The following MANBA variants were observed in gnomAD, a reference collection of about 807,000 sequenced individuals.
MANBA encodes mannosidase beta.
Under a neutral mutation model 111.1 loss-of-function variants are expected in MANBA, and 83 were observed. The observed-to-expected ratio is 0.75, with a 90% CI of 0.63 to 0.90. MANBA has a LOEUF of 0.90. Ranked by LOEUF, MANBA falls within the 40% of genes least tolerant of loss-of-function variation. The pLI is 0.00. For synonymous variants in MANBA, 370 were observed against 378.7 expected (o/e 0.98, Z 0.27); for missense variants, 1,036 against 1,069.0 (o/e 0.97, Z 0.43).
intron 10 of MANBA, chr4:102,667,570 C>T (rs1281949482): frequency 6.6e-6 from 1 of 152,134 alleles, no homozygotes; most frequent in Non-Finnish European, 1.5e-5. Flanking sequence ...TTTTGAACTG[C>T]ATGACTTACA....
chr4:102,703,079 T>G (rs1248074552), intron 5 of MANBA, among the ~76,000 whole-genome samples: 1 of 152,210 alleles, frequency 6.6e-6, no homozygotes, highest in East Asian at 1.9e-4. Context: ...TGCAAACCAT[T>G]TTTAACACTA....
At chr4:102,683,478 T>C (rs1732071226) in intron 7 of MANBA, among the ~76,000 whole-genome samples, 1 of 152,226 alleles carries the variant, frequency 6.6e-6, no homozygotes, top group Admixed American at 6.5e-5. Context: ...CTAATTGGTT[T>C]CCTGTTTTTC....
chr4:102,728,222 CT>C, intron 1 of MANBA: 1 of 537,634 alleles, frequency 1.9e-6, no homozygotes. Context: ...ACTCCTGAGC[CT>C]TTTTTCTTTG....
Position 102,671,310 on chromosome 4 carries a change from A to G in MANBA, c.1201T>C (p.Tyr401His), listed in dbSNP as rs1731485212. The G allele has an allele frequency of 6.3e-7, 1 of 1,590,530 alleles. No homozygotes were observed. Among genetic ancestry groups the G allele is most frequent in the Admixed American group, 1.7e-5 (1 of 59,948 alleles). ...GGGIYEQDEF[Y>H]ELCDELGIMV... ...ATTCCTAGTTCATCACAGAGTTCAT[A>G]GAATTCATCCTGCTCATAAATTCCT... Residue 401 changes from tyrosine (Y) to histidine (H), a missense_variant, in exon 9 of 17, where the codon TAT becomes CAT. Tyr to His is a moderately conservative substitution (Grantham distance 83). Coordinates refer to ENST00000647097, the MANE Select transcript of MANBA (RefSeq NM_005908.4).
chr4:102,651,283 G>A (rs228624), intron 12 of MANBA, among the ~76,000 whole-genome samples: 72,460 of 151,590 alleles, frequency 0.48, 17,531 homozygotes, highest in South Asian at 0.54. Context: ...ACCAAATAAT[G>A]TTACTTCTCT....
At chr4:102,750,452 C>A (rs922753584) in intron 1 of MANBA, among the ~76,000 whole-genome samples, 1 of 151,914 alleles carries the variant, frequency 6.6e-6, no homozygotes, top group African/African-American at 2.4e-5. Context: ...TATGTTTAGT[C>A]ATTTTGGATT....
At position 102,639,161 on chromosome 4, in the gene MANBA, A is replaced by G. The variant is rs1037517498; in HGVS notation, c.2014+552T>C. Among the ~76,000 whole-genome samples, 3 of 152,234 alleles carry G rather than the reference A, an allele frequency of 2.0e-5. No individual in the cohort carries two copies. In the South Asian group the frequency reaches 6.2e-4, roughly 32 times the overall value. ...ACTGTTTCAACTGGTCACCTTTCCC[A>G]TTCGGGATTCTGCCTCTACTAGCTT... is the stretch of plus-strand genomic sequence containing the variant. On this transcript the variant is annotated intron_variant, in intron 14 of 16. Transcript: ENST00000647097.
chr4:102,752,981 A>G (rs1276615890), intron 1 of MANBA, among the ~76,000 whole-genome samples: 2 of 152,194 alleles, frequency 1.3e-5, no homozygotes, highest in Non-Finnish European at 2.9e-5. Flanking sequence ...GGTAATAATA[A>G]AATTTACGGA....
intron 5 of MANBA, among the ~76,000 whole-genome samples, chr4:102,704,269 T>A (rs938949403): frequency 3.3e-5 from 5 of 152,100 alleles, no homozygotes; most frequent in Non-Finnish European, 7.4e-5. Flanking sequence ...GCAAGGTGAA[T>A]TTATTGGGCG....
At chr4:102,730,232 G>A (rs1383749540) in intron 1 of MANBA, 2 of 582,026 alleles carry the variant, frequency 3.4e-6, no homozygotes, top group African/African-American at 3.7e-5. Context: ...AAGGAGTGGA[G>A]AAGCTGCTTC....
At position 102,632,280 on chromosome 4, in the gene MANBA, G is replaced by A. The variant is rs1350755557; in HGVS notation, c.2417C>T (p.Ala806Val). 5.7e-6 allele frequency: 9 copies of A among 1,568,024 alleles called. No homozygotes were observed. The South Asian group carries it at 8.9e-5, about 16-fold the overall frequency. Residue 806 changes from alanine (A) to valine (V), a missense_variant and splice_region_variant, in exon 17 of 17, where the codon GCC (alanine) becomes GTC (valine). By Grantham distance (64) the Ala-to-Val change is moderately conservative (BLOSUM62 0). Transcript: ENST00000647097. ...TATGTCACCTTGCTGAGAGATGATGGCCTGAAAAAGAAAAAAAAAAATGAA... is the reference window on the plus strand; with the variant it reads ...TATGTCACCTTGCTGAGAGATGATGACCTGAAAAAGAAAAAAAAAAATGAA... ...AVGLCKAQIT[A>V]IISQQGDIFV...
chr4:102,669,326 T>C (rs1437896074), intron 9 of MANBA, among the ~76,000 whole-genome samples: 2 of 152,150 alleles, frequency 1.3e-5, no homozygotes, highest in African/African-American at 2.4e-5. Context: ...AGAAAAAATG[T>C]GTGGAGGGGA....
At chr4:102,728,300 A>T in intron 1 of MANBA, 1 of 535,366 alleles carries the variant, frequency 1.9e-6, no homozygotes, top group Non-Finnish European at 3.8e-6. Flanking sequence ...CACCTCTTTG[A>T]AGTGACTTTT....
chr4:102,657,823 T>C lies in MANBA; in HGVS notation c.1563A>G (p.Gln521=). ...CACCAAAATAATTGCTATTAGGGTT[T>C]TGAGAGACCCAGGCTTCTGCAACAG... is the stretch of plus-strand genomic sequence containing the variant. ...AETVAEAWVS[Q]NPNSNYFGDV... Residue 521 remains glutamine (Q), a synonymous_variant, in exon 12 of 17, where the codon CAA becomes CAG. Transcript: ENST00000647097. The C allele has an allele frequency of 1.2e-6, 2 of 1,613,976 alleles. No homozygotes were observed. The highest frequency in any genetic ancestry group is 1.7e-5 in the Admixed American group (1 of 60,008).
At chr4:102,689,218 G>A (rs554423810) in intron 7 of MANBA, among the ~76,000 whole-genome samples, 7 of 151,904 alleles carry the variant, frequency 4.6e-5, no homozygotes, top group African/African-American at 1.2e-4. Flanking sequence ...GCGTGGTGGC[G>A]GGTGCCTGTA....
rs981745947 is a variant in MANBA at position 102,752,636 on chromosome 4, G to A, written c.177+8082C>T. 5 of 579,468 alleles carry A rather than the reference G, an allele frequency of 8.6e-6. No individual in the cohort carries two copies. In the East Asian group the frequency reaches 1.4e-4, roughly 16 times the overall value. The allele number at this position is 579,468 out of a possible 1,614,324, so 35.9% of individuals were successfully genotyped here. The stretch of plus-strand genomic sequence containing the variant: ...TTCACCTACCACTTTCCATGTGGGG[G>A]CATGAAAGTGAATGATAAATTGATC... On this transcript the variant is annotated intron_variant, in intron 1 of 16. Coordinates refer to ENST00000647097, the MANE Select transcript of MANBA (RefSeq NM_005908.4).
intron 13 of MANBA, among the ~76,000 whole-genome samples, chr4:102,643,204 A>G (rs756562250): frequency 2.6e-5 from 4 of 152,208 alleles, no homozygotes; most frequent in Non-Finnish European, 4.4e-5. Flanking sequence ...CATAAATGGA[A>G]TGATAAAATA....
chr4:102,679,187 T>C (rs549090324), intron 7 of MANBA, among the ~76,000 whole-genome samples: 2 of 152,284 alleles, frequency 1.3e-5, no homozygotes, highest in Non-Finnish European at 2.9e-5. Flanking sequence ...ACATTCTTTG[T>C]CGTGCCCTTG....
chr4:102,740,228 T>C lies in MANBA; in HGVS notation c.178-13545A>G, dbSNP rs6828866. On this transcript the variant is annotated intron_variant, in intron 1 of 16. Transcript: ENST00000647097. Reference sequence around the variant, plus strand: ...AAATAAAATAAAATACTTAGGAATATACCTAACCAAGGACATGAAAGACCT... The same window carrying C: ...AAATAAAATAAAATACTTAGGAATACACCTAACCAAGGACATGAAAGACCT... Among the ~76,000 whole-genome samples the C allele has an allele frequency of 6.5e-3, 983 of 152,210 alleles. 11 individuals carry two copies. Among genetic ancestry groups the C allele is most frequent in the African/African-American group, 0.022 (914 of 41,520 alleles).
Sources: allele counts gnomAD v4.1 joint callset (sites outside exome capture counted in the v4.1 genomes callset), GRCh38; gene constraint gnomAD v4.1.1; transcripts MANE v1.5; gene names NCBI Gene and HGNC (gene_info 2026-07-23, HGNC 2026-07-21).